RFWD3: variants seen among roughly 807,000 people sequenced by gnomAD.
RFWD3 encodes the protein E3 ubiquitin-protein ligase RFWD3.
Under a neutral mutation model 87.7 loss-of-function variants are expected in RFWD3, and 65 were observed. That is an observed-to-expected ratio of 0.74 (90% CI 0.61 to 0.91). The LOEUF (loss-of-function observed/expected upper bound fraction) is 0.91, where lower values mean the gene tolerates loss of function less well. RFWD3 is among the 40% of genes least tolerant of loss of function. RFWD3 has a pLI of 0.00. For synonymous variants in RFWD3, 433 were observed against 352.8 expected (o/e 1.23, Z -2.55); for missense variants, 1,078 against 938.5 (o/e 1.15, Z -1.94).
chr16:74,648,926 T>C (rs988462959), intron 4 of RFWD3, among the ~76,000 whole-genome samples: 2 of 151,522 alleles, frequency 1.3e-5, no homozygotes, highest in African/African-American at 4.9e-5. Context: ...CTACAAAAAA[T>C]AAAAAATGTA....
chr16:74,632,802 C>G, intron 8 of RFWD3, 129 bp from the exon 9 acceptor site: 1 of 753,796 alleles, frequency 1.3e-6, no homozygotes. Context: ...GCTGGTCAAA[C>G]AAAAATTCTC....
chr16:74,637,881 C>T lies in RFWD3; in HGVS notation c.1169G>A (p.Cys390Tyr). The T allele has an allele frequency of 6.2e-7, 1 of 1,612,834 alleles. No homozygotes were observed. Residue 390 changes from cysteine to tyrosine, a missense_variant, in exon 7 of 13, where the codon TGC becomes TAC. Cys to Tyr is a radical substitution (Grantham distance 194). Transcript: ENST00000361070. ...RLQLQVLTDKCTRLQRRVQDL... is the reference protein window; with the variant it reads ...RLQLQVLTDKYTRLQRRVQDL... ...CTGAACACGCCTTTGAAGCCTAGTG[C>T]ACTTATCAGTGAGGACCTGCAGTTG...
At chr16:74,627,680 T>A (rs1649438772) in intron 11 of RFWD3, among the ~76,000 whole-genome samples, 3 of 152,182 alleles carry the variant, frequency 2.0e-5, no homozygotes, top group Admixed American at 2.0e-4. Flanking sequence ...TACCTGCCAG[T>A]ACAAACAAGT....
chr16:74,639,083 G>C (rs1346562777), intron 6 of RFWD3, among the ~76,000 whole-genome samples: 1 of 145,714 alleles, frequency 6.9e-6, no homozygotes, highest in Non-Finnish European at 1.5e-5. Flanking sequence ...CCATTGCCTA[G>C]GCTGCAGAGC....
Position 74,626,532 on chromosome 16 carries a change from T to G in RFWD3, c.1992A>C (p.Arg664=). ...YRPDKNHTTI[R]SVLMEMSYRL... ...GGTAGGACATTTCCATCAGCACACT[T>G]CGTATGGTGGTGTGATTTTTATCTA... The change falls in exon 12 of 13, where the codon CGA becomes CGC. Residue 664 remains arginine, a synonymous_variant. Coordinates refer to ENST00000361070, the MANE Select transcript of RFWD3 (RefSeq NM_018124.4). 6.2e-7 allele frequency: 1 copy of G among 1,614,042 alleles called. No individual in the cohort carries two copies. The highest frequency in any genetic ancestry group is 8.5e-7 in the Non-Finnish European group (1 of 1,179,898).
rs1255858795 is a variant in RFWD3 at position 74,623,456 on chromosome 16, A to G, written c.*472T>C. The G allele has an allele frequency of 6.5e-6, 1 of 154,306 alleles. No homozygotes were observed. The highest frequency in any genetic ancestry group is 1.4e-5 in the Non-Finnish European group (1 of 69,416). The allele number at this position is 154,306 out of a possible 1,614,324, so 9.6% of individuals were successfully genotyped here. ...AGTGCCCTCTTGTGTTCAACTGAATAATACTCTTTTACATCTACGTTGCAT... is the reference window on the plus strand; with the variant it reads ...AGTGCCCTCTTGTGTTCAACTGAATGATACTCTTTTACATCTACGTTGCAT... On this transcript the variant is annotated 3_prime_UTR_variant, in exon 13 of 13. Coordinates refer to ENST00000361070, the MANE Select transcript of RFWD3 (RefSeq NM_018124.4).
chr16:74,656,969 T>C (rs180964415), intron 2 of RFWD3, among the ~76,000 whole-genome samples: 14 of 152,348 alleles, frequency 9.2e-5, no homozygotes, highest in Non-Finnish European at 1.5e-4. Context: ...ATCTCATTCC[T>C]AGATTTTCCT....
Position 74,660,953 on chromosome 16 carries a change from G to GACCCTCCGGCTCTT in RFWD3, c.483_496dup (p.Ser166Ter). On this transcript the variant is annotated stop_gained and frameshift_variant, in exon 2 of 13. Coordinates refer to ENST00000361070, the MANE Select transcript of RFWD3 (RefSeq NM_018124.4). LOFTEE classifies it high-confidence loss of function. ...TTACCTGGCACTGTCTGTCCTCTGA[G>GACCCTCCGGCTCTT]ACCCTCCGGCTCTTGCCCTCCGTGA... 1 of 1,613,608 alleles carries GACCCTCCGGCTCTT rather than the reference G, an allele frequency of 6.2e-7. No individual in the cohort carries two copies. Among genetic ancestry groups the GACCCTCCGGCTCTT allele is most frequent in the Non-Finnish European group, 8.5e-7 (1 of 1,179,578 alleles).
chr16:74,637,159 G>C (rs1431282959), intron 7 of RFWD3, among the ~76,000 whole-genome samples: 1 of 140,558 alleles, frequency 7.1e-6, no homozygotes, highest in Non-Finnish European at 1.6e-5. Context: ...CTTAAAAGGA[G>C]ACAGGGTCTC....
At chr16:74,662,372 AAT>A (rs1961515420) in intron 1 of RFWD3, among the ~76,000 whole-genome samples, 1 of 152,180 alleles carries the variant, frequency 6.6e-6, no homozygotes, top group Non-Finnish European at 1.5e-5. Context: ...GGGTTCAACT[AAT>A]AGTTATTAAG....
At chr16:74,635,253 G>A (rs139673643) in intron 8 of RFWD3, among the ~76,000 whole-genome samples, 2,763 of 151,626 alleles carry the variant, frequency 0.018, 36 homozygotes, top group Non-Finnish European at 0.027. Context: ...ACTGCAGTCC[G>A]GCCTAGGCGA....
At chr16:74,645,486 C>T (rs867412050) in intron 4 of RFWD3, among the ~76,000 whole-genome samples, 1 of 152,290 alleles carries the variant, frequency 6.6e-6, no homozygotes, top group South Asian at 2.1e-4. Flanking sequence ...ACTTAGACAA[C>T]AAACCTGTAT....
At chr16:74,625,876 T>A (rs1958917358) in intron 12 of RFWD3, among the ~76,000 whole-genome samples, 1 of 152,092 alleles carries the variant, frequency 6.6e-6, no homozygotes, top group Non-Finnish European at 1.5e-5. Flanking sequence ...CTCTAGGCCT[T>A]AATCAGACTC....
At chr16:74,643,990 T>C (rs1412563701) in intron 6 of RFWD3, 1 of 282,470 alleles carries the variant, frequency 3.5e-6, no homozygotes, top group Non-Finnish European at 7.0e-6. Flanking sequence ...GCAACTGTTT[T>C]GTGCTTCCGA....
intron 4 of RFWD3, among the ~76,000 whole-genome samples, chr16:74,647,400 G>C (rs563130259): frequency 6.6e-6 from 1 of 152,112 alleles, no homozygotes; most frequent in African/African-American, 2.4e-5. Flanking sequence ...TGACTCTCCT[G>C]CCTCAGCTTC....
chr16:74,636,216 T>C (rs1435470675), intron 8 of RFWD3, 130 bp downstream of exon 8: 4 of 759,266 alleles, frequency 5.3e-6, no homozygotes, highest in East Asian at 5.0e-5. Flanking sequence ...CCTGGGGTAC[T>C]TGCATTAACA....
chr16:74,633,923 C>T (rs975437234), intron 8 of RFWD3, among the ~76,000 whole-genome samples: 2 of 150,788 alleles, frequency 1.3e-5, no homozygotes, highest in Admixed American at 1.3e-4. Flanking sequence ...CCCTGCATTC[C>T]AGCCCGGGAG....
chr16:74,637,816 C>T, intron 7 of RFWD3, 40 bp downstream of exon 7: 1 of 1,449,388 alleles, frequency 6.9e-7, no homozygotes, highest in Non-Finnish European at 9.6e-7. Flanking sequence ...TCTTCCATTC[C>T]TATTCCAAAA....
intron 6 of RFWD3, among the ~76,000 whole-genome samples, chr16:74,638,329 G>A (rs182621053): frequency 6.3e-4 from 96 of 152,220 alleles, no homozygotes; most frequent in African/African-American, 2.2e-3. Context: ...GGTTGTTCAT[G>A]AGATACTCAA....
Sources: gnomAD v4.1 joint callset for allele counts (sites outside exome capture counted in the v4.1 genomes callset) on GRCh38, gnomAD v4.1.1 for gene constraint, MANE v1.5 for transcripts, NCBI Gene and HGNC (gene_info 2026-07-23, HGNC 2026-07-21) for gene names.